Variants in NKIRAS1 observed in about 807,000 individuals in gnomAD.
The protein encoded by NKIRAS1 is NF-kappa-B inhibitor-interacting Ras-like protein 1.
Under a neutral mutation model 19.8 loss-of-function variants are expected in NKIRAS1, and 16 were observed. That is an observed-to-expected ratio of 0.81 (90% CI 0.55 to 1.23). NKIRAS1 has a LOEUF of 1.23. Ranked by LOEUF, NKIRAS1 falls within the 50% of genes most tolerant of loss-of-function variation. The pLI is 0.00. For synonymous variants in NKIRAS1, 88 were observed against 79.0 expected, an observed-to-expected ratio of 1.11 and a Z score of -0.61; for missense variants, 184 against 220.0, an observed-to-expected ratio of 0.84 and a Z score of 1.04.
At chr3:23,929,458 G>T (rs534489139) in intron 1 of NKIRAS1, among the ~76,000 whole-genome samples, 1 of 152,044 alleles carries the variant, frequency 6.6e-6, no homozygotes, top group African/African-American at 2.4e-5. Context: ...ACAGGGTCTC[G>T]CTCTGTCACC....
At chr3:23,946,288 C>A (rs1240275588) in intron 1 of NKIRAS1, 1 of 985,404 alleles carries the variant, frequency 1.0e-6, no homozygotes, top group East Asian at 1.1e-4. Context: ...GCAAACCAAA[C>A]GAACCGGCGC....
chr3:23,917,974 G>C, upstream of NKIRAS1: 1 of 1,613,238 alleles, frequency 6.2e-7, no homozygotes, highest in Non-Finnish European at 8.5e-7. Flanking sequence ...TCTCCACAGG[G>C]CTCCCCGCCC....
At chr3:23,894,031 A>C (rs769449948) in intron 4 of NKIRAS1, among the ~76,000 whole-genome samples, 1 of 152,182 alleles carries the variant, frequency 6.6e-6, no homozygotes, top group Non-Finnish European at 1.5e-5. Context: ...TATCCATGAG[A>C]ACAGGAATTG....
upstream of NKIRAS1, chr3:23,919,354 C>T (rs757540488): frequency 5.6e-6 from 9 of 1,602,740 alleles, no homozygotes; most frequent in Non-Finnish European, 3.4e-6. Context: ...AACCAGTCCA[C>T]AAGCACAGGG....
chr3:23,943,675 G>A (rs77908115), intron 1 of NKIRAS1, among the ~76,000 whole-genome samples: 1 of 152,334 alleles, frequency 6.6e-6, no homozygotes, highest in Non-Finnish European at 1.5e-5. Context: ...GTAGATGGTA[G>A]TTGATACATG....
Position 23,893,402 on chromosome 3 carries a change from G to A in NKIRAS1, c.337-65C>T, listed in dbSNP as rs1575054976. ...GCCAACATCAGTTCCTGGGCAAAAT[G>A]GAGACATAAGGAAAATTGTTCCACT... On this transcript the variant is annotated intron_variant, in intron 4 of 4. Transcript: ENST00000425478. 21 of 1,406,190 alleles carry A rather than the reference G, an allele frequency of 1.5e-5. No homozygotes were observed. The East Asian group carries it at 5.0e-4, about 33-fold the overall frequency. The allele number at this position is 1,406,190 out of a possible 1,614,324, so 87.1% of individuals were successfully genotyped here.
At chr3:23,918,024 C>T (rs1292991492), upstream of NKIRAS1, 2 of 1,608,784 alleles carry the variant, frequency 1.2e-6, no homozygotes, top group Admixed American at 3.4e-5. Context: ...GCTACAAGGC[C>T]AAGCAAGGTA....
chr3:23,893,575 G>A (rs1180968975), intron 4 of NKIRAS1, among the ~76,000 whole-genome samples: 6 of 152,124 alleles, frequency 3.9e-5, no homozygotes, highest in African/African-American at 1.4e-4. Flanking sequence ...GGGAGGCCGA[G>A]GCTCGTGGAT....
At chr3:23,935,211 T>TAA (rs11373254) in intron 1 of NKIRAS1, among the ~76,000 whole-genome samples, 39 of 150,432 alleles carry the variant, frequency 2.6e-4, no homozygotes, top group African/African-American at 3.7e-4. Context: ...ATATTATTGT[T>TAA]AAAAAAAAAC....
At chr3:23,904,048 G>C (rs992948352) in intron 3 of NKIRAS1, among the ~76,000 whole-genome samples, 4 of 152,060 alleles carry the variant, frequency 2.6e-5, no homozygotes, top group Admixed American at 2.6e-4. Context: ...ACCTGTAATT[G>C]CAGCTACTTG....
intron 3 of NKIRAS1, among the ~76,000 whole-genome samples, chr3:23,907,148 C>T (rs1323782578): frequency 6.6e-6 from 1 of 152,210 alleles, no homozygotes; most frequent in Non-Finnish European, 1.5e-5. Context: ...CCTGCCTCGG[C>T]CTCCCAAAGT....
upstream of NKIRAS1, chr3:23,920,168 T>G: frequency 1.0e-6 from 1 of 985,824 alleles, no homozygotes; most frequent in Non-Finnish European, 1.2e-6. Context: ...CCAGTGGCCA[T>G]TAGATAAATA....
intron 3 of NKIRAS1, among the ~76,000 whole-genome samples, chr3:23,904,152 A>G (rs1702791562): frequency 2.0e-5 from 3 of 151,904 alleles, no homozygotes; most frequent in African/African-American, 2.4e-5. Flanking sequence ...GTAAAAAAAG[A>G]AAAAGAAAGA....
chr3:23,928,733 T>C (rs988208139), intron 1 of NKIRAS1, among the ~76,000 whole-genome samples: 42 of 147,662 alleles, frequency 2.8e-4, no homozygotes, highest in Admixed American at 5.4e-4. Context: ...GACTCACACC[T>C]GTAATCCTAG....
intron 1 of NKIRAS1, 40 bp downstream of exon 1, chr3:23,916,744 A>G (rs1248845175): frequency 6.5e-6 from 1 of 152,794 alleles, no homozygotes; most frequent in Non-Finnish European, 1.5e-5. Flanking sequence ...GGAGACGCAG[A>G]GACTCCGCAG....
rs1359449291 is a variant in NKIRAS1, at chr3:23,927,617, T to C, written c.-139-16167A>G. On this transcript the variant is annotated intron_variant, in intron 1 of 4. Coordinates refer to the NKIRAS1 transcript ENST00000421515. The surrounding 1 kb of genome is among the most constrained non-coding windows in gnomAD (Gnocchi z 4.0). The stretch of plus-strand genomic sequence containing the variant: ...TTGTCATTTGGAGAGAAGTTCATTA[T>C]TTGGCAGTCCTAGTTAGTTAGAGAC... Among the ~76,000 whole-genome samples, 1 of 152,230 alleles carries C rather than the reference T, an allele frequency of 6.6e-6. No individual in the cohort carries two copies. Among genetic ancestry groups the C allele is most frequent in the African/African-American group, 2.4e-5 (1 of 41,452 alleles).
upstream of NKIRAS1, chr3:23,917,749 C>T: frequency 6.6e-6 from 8 of 1,206,278 alleles, no homozygotes; most frequent in Non-Finnish European, 7.0e-6. Flanking sequence ...TTTTCATTCC[C>T]GGCGGTTTCC....
At chr3:23,929,977 G>A (rs1443706141) in intron 1 of NKIRAS1, among the ~76,000 whole-genome samples, 2 of 151,904 alleles carry the variant, frequency 1.3e-5, no homozygotes, top group Admixed American at 1.3e-4. Context: ...TCATAATGAT[G>A]GAATAAGTAA....
chr3:23,934,614 G>A (rs4292187), intron 1 of NKIRAS1, among the ~76,000 whole-genome samples: 97,507 of 151,976 alleles, frequency 0.64, 31,490 homozygotes, highest in Middle Eastern at 0.73. Flanking sequence ...TGGCACTTCT[G>A]GGCATGCTGG....
Sources: allele counts gnomAD v4.1 joint callset (sites outside exome capture counted in the v4.1 genomes callset), GRCh38; gene constraint gnomAD v4.1.1; non-coding constraint Gnocchi (gnomAD v3.1); transcripts MANE v1.5; gene names NCBI Gene and HGNC (gene_info 2026-07-23, HGNC 2026-07-21).